EPC1: variants seen among roughly 807,000 people sequenced by gnomAD.
The protein encoded by EPC1 is enhancer of polycomb 1, also known as enhancer of polycomb homolog 1.
Under a neutral mutation model 98.4 loss-of-function variants are expected in EPC1, and 12 were observed. That is an observed-to-expected ratio of 0.12 (90% CI 0.08 to 0.20). EPC1 has a LOEUF of 0.20. Among genes scored for constraint, EPC1 ranks in the 10% least tolerant of loss-of-function variants. EPC1 has a pLI of 1.00. For synonymous variants in EPC1, 357 were observed against 363.9 expected (o/e 0.98, Z 0.21); for missense variants, 729 against 990.5 (o/e 0.74, Z 3.54).
intron 1 of EPC1, among the ~76,000 whole-genome samples, chr10:32,361,171 T>C (rs1839432938): frequency 6.6e-6 from 1 of 152,226 alleles, no homozygotes; most frequent in African/African-American, 2.4e-5. Flanking sequence ...TATAGTGTTG[T>C]GTAGTGGTTA....
intron 1 of EPC1, among the ~76,000 whole-genome samples, chr10:32,338,979 T>C (rs1838160052): frequency 6.6e-6 from 1 of 151,330 alleles, no homozygotes; most frequent in Admixed American, 6.6e-5. Context: ...ATAAAAATAA[T>C]AATAAATTCT....
chr10:32,354,462 G>A (rs1158171015), intron 1 of EPC1, among the ~76,000 whole-genome samples: 1 of 151,880 alleles, frequency 6.6e-6, no homozygotes, highest in East Asian at 1.9e-4. Flanking sequence ...TCAAAAAAAA[G>A]AAAGAAAATG....
At chr10:32,352,130 C>T (rs534438994), upstream of EPC1, among the ~76,000 whole-genome samples, 6 of 150,998 alleles carry the variant, frequency 4.0e-5, no homozygotes, top group African/African-American at 9.8e-5. Flanking sequence ...CTGCAACCTC[C>T]GCCTCCCAGG....
intron 1 of EPC1, among the ~76,000 whole-genome samples, chr10:32,315,289 A>T (rs1312865041): frequency 2.0e-5 from 3 of 152,232 alleles, no homozygotes; most frequent in Non-Finnish European, 1.5e-5. Context: ...CACATGAAAA[A>T]AGACATTTCT....
At chr10:32,369,571 TG>T (rs1421667530) in intron 1 of EPC1, among the ~76,000 whole-genome samples, 1 of 152,188 alleles carries the variant, frequency 6.6e-6, no homozygotes, top group Non-Finnish European at 1.5e-5. Context: ...CCAAATTGTT[TG>T]GGTAGGTCAT....
intron 1 of EPC1, among the ~76,000 whole-genome samples, chr10:32,371,028 G>A (rs181672904): frequency 2.2e-4 from 33 of 152,236 alleles, no homozygotes; most frequent in African/African-American, 7.0e-4. Context: ...AGCTTATAAT[G>A]GCTTCTGAGG....
chr10:32,355,661 C>T (rs1371018955), intron 1 of EPC1, among the ~76,000 whole-genome samples: 2 of 117,082 alleles, frequency 1.7e-5, no homozygotes, highest in African/African-American at 3.2e-5. Flanking sequence ...GTTGACCAGG[C>T]TAGAGTGCAG....
intron 13 of EPC1, 128 bp from the exon 14 acceptor site, chr10:32,269,263 C>T: frequency 3.0e-6 from 2 of 674,676 alleles, no homozygotes; most frequent in East Asian, 2.9e-5. Flanking sequence ...AACAAGCTAG[C>T]AAGTAGAGGA....
At chr10:32,301,685 A>C (rs537685563) in intron 2 of EPC1, among the ~76,000 whole-genome samples, 1 of 152,344 alleles carries the variant, frequency 6.6e-6, no homozygotes, top group African/African-American at 2.4e-5. Context: ...GAGGAAGGAA[A>C]GCTTTTTAAA....
At chr10:32,310,319 G>C (rs1484212703) in intron 1 of EPC1, among the ~76,000 whole-genome samples, 3 of 152,142 alleles carry the variant, frequency 2.0e-5, no homozygotes, top group Non-Finnish European at 2.9e-5. Context: ...TTCTTTTCCA[G>C]CAAGAGTTTT....
intron 1 of EPC1, among the ~76,000 whole-genome samples, chr10:32,311,032 T>C (rs1592582558): frequency 6.6e-6 from 1 of 152,030 alleles, no homozygotes; most frequent in East Asian, 1.9e-4. Context: ...AAAAACCAGC[T>C]GGGCACGGTG....
chr10:32,300,397 C>A (rs532879246), intron 2 of EPC1, among the ~76,000 whole-genome samples: 2 of 151,484 alleles, frequency 1.3e-5, no homozygotes, highest in Non-Finnish European at 2.9e-5. Flanking sequence ...CTCCCGCCCC[C>A]GCTCCTGCAT....
At chr10:32,304,369 G>T (rs1835749904) in intron 2 of EPC1, among the ~76,000 whole-genome samples, 1 of 152,156 alleles carries the variant, frequency 6.6e-6, no homozygotes, top group Non-Finnish European at 1.5e-5. Flanking sequence ...TGTGGTTTTA[G>T]TTAACATACA....
chr10:32,294,173 T>C (rs1216121034), intron 2 of EPC1, among the ~76,000 whole-genome samples: 1 of 152,216 alleles, frequency 6.6e-6, no homozygotes, highest in Non-Finnish European at 1.5e-5. Flanking sequence ...ATTTTGTAGA[T>C]TATTCAACTA....
At chr10:32,322,053 C>A (rs1366403314) in intron 1 of EPC1, among the ~76,000 whole-genome samples, 1 of 147,702 alleles carries the variant, frequency 6.8e-6, no homozygotes, top group African/African-American at 2.5e-5. Context: ...TAAGACTTAA[C>A]TGCTGCTAAT....
upstream of EPC1, among the ~76,000 whole-genome samples, chr10:32,350,238 G>T (rs935725955): frequency 5.3e-5 from 8 of 152,176 alleles, no homozygotes; most frequent in Non-Finnish European, 1.0e-4. Context: ...ATATGTATTG[G>T]ATAACCAGGT....
chr10:32,350,659 TAA>T (rs1179430503), upstream of EPC1, among the ~76,000 whole-genome samples: 1 of 152,130 alleles, frequency 6.6e-6, no homozygotes, highest in African/African-American at 2.4e-5. Context: ...GAGTAGAAAG[TAA>T]AGAGACATGA....
intron 9 of EPC1, chr10:32,285,972 A>T (rs1439604694): frequency 6.6e-6 from 1 of 151,336 alleles, no homozygotes; most frequent in East Asian, 1.9e-4. Flanking sequence ...TTTAAATAAT[A>T]AAAAAAAACC....
At chr10:32,302,687 A>C (rs1338648680) in intron 2 of EPC1, among the ~76,000 whole-genome samples, 2 of 151,622 alleles carry the variant, frequency 1.3e-5, no homozygotes, top group African/African-American at 4.8e-5. Flanking sequence ...AGCGGCGCAA[A>C]AGACATGCAC....
Sources: allele counts gnomAD v4.1 joint callset (sites outside exome capture counted in the v4.1 genomes callset), GRCh38; gene constraint gnomAD v4.1.1; transcripts MANE v1.5; gene names NCBI Gene and HGNC (gene_info 2026-07-23, HGNC 2026-07-21).